KIAA0040: variants seen among roughly 807,000 people sequenced by gnomAD.
The protein encoded by KIAA0040 is uncharacterized protein KIAA0040.
Under a neutral mutation model 7.2 loss-of-function variants are expected in KIAA0040, and 10 were observed. The ratio of observed to expected loss-of-function variants is 1.38; its 90% CI spans 0.85 to 2.34. The LOEUF (loss-of-function observed/expected upper bound fraction) is 2.34, where lower values mean the gene tolerates loss of function less well. KIAA0040 is among the 30% of genes most tolerant of loss of function. KIAA0040 has a pLI of 0.00. For synonymous variants in KIAA0040, 49 were observed against 40.1 expected (o/e 1.22, Z -0.84); for missense variants, 89 against 108.2 (o/e 0.82, Z 0.79).
At chr1:175,176,293 G>T (rs1046070617) in intron 2 of KIAA0040, 2 of 152,262 alleles carry the variant, frequency 1.3e-5, no homozygotes, top group South Asian at 4.2e-4. Flanking sequence ...AAATTTCGGG[G>T]CAATTAAAAG....
intron 1 of KIAA0040, among the ~76,000 whole-genome samples, chr1:175,178,897 T>C (rs564782246): frequency 5.6e-5 from 8 of 143,432 alleles, no homozygotes; most frequent in African/African-American, 2.1e-4. Context: ...AACCAGAAAG[T>C]GACAAAATGC....
chr1:175,178,972 G>A (rs975268418), intron 1 of KIAA0040, among the ~76,000 whole-genome samples: 2 of 12,184 alleles, frequency 1.6e-4, no homozygotes, highest in East Asian at 2.1e-3. Flanking sequence ...GGACGGGGCG[G>A]GGGGGGGGAT....
chr1:175,189,297 C>T (rs150493454), intron 1 of KIAA0040, among the ~76,000 whole-genome samples: 3 of 152,286 alleles, frequency 2.0e-5, no homozygotes, highest in Non-Finnish European at 4.4e-5. Context: ...TGCTCAGATT[C>T]AGGGCCATTG....
rs562444958 is a variant in KIAA0040, at chr1:175,165,599, T to C, written c.-134+963A>G. On this transcript the variant is annotated intron_variant, in intron 3 of 3. Transcript: ENST00000423313. ...GTGGCTGTTGCTCTAGACTCTGGCA[T>C]CCAGAAATCAGATGGAGAGCGGTCG... 5.6e-4 allele frequency among the ~76,000 whole-genome samples: 85 copies of C among 152,318 alleles called. 1 individual carries two copies. Among genetic ancestry groups the C allele is most frequent in the Admixed American group, 1.6e-3 (25 of 15,302 alleles).
chr1:175,179,923 A>G (rs1197991831), intron 1 of KIAA0040, among the ~76,000 whole-genome samples: 1 of 152,214 alleles, frequency 6.6e-6, no homozygotes, highest in Admixed American at 6.5e-5. Context: ...AGTTACTCCT[A>G]AAATGCAACA....
intron 2 of KIAA0040, among the ~76,000 whole-genome samples, chr1:175,168,349 C>T (rs1218675039): frequency 6.6e-6 from 1 of 152,080 alleles, no homozygotes; most frequent in South Asian, 2.1e-4. Context: ...TAATGAATTG[C>T]TTCAAATAAC....
intron 3 of KIAA0040, among the ~76,000 whole-genome samples, chr1:175,165,048 C>T (rs193288673): frequency 1.3e-5 from 2 of 152,080 alleles, no homozygotes; most frequent in African/African-American, 4.8e-5. Flanking sequence ...TGGGGGTGGA[C>T]GAGAGGACAG....
chr1:175,176,669 C>CTTTTTTTTTTT lies in KIAA0040; in HGVS notation c.-310+931_-310+941dup, dbSNP rs34859478. Among the ~76,000 whole-genome samples, 181 of 27,464 alleles carry CTTTTTTTTTTT rather than the reference C, an allele frequency of 6.6e-3. 67 individuals are homozygous for CTTTTTTTTTTT. Among genetic ancestry groups the CTTTTTTTTTTT allele is most frequent in the East Asian group, 0.011 (6 of 568 alleles). The allele number at this position is 27,464 out of a possible 152,430, so 18.0% of individuals were successfully genotyped here. The stretch of plus-strand genomic sequence containing the variant: ...ATCCAGTGTCAGGTTAAGTAGCATG[C>CTTTTTTTTTTT]TTTTTTTTTTTTTTTTTTTTTTTTT... On this transcript the variant is annotated intron_variant, in intron 2 of 3. Coordinates refer to ENST00000423313, the MANE Select transcript of KIAA0040 (RefSeq NM_014656.3).
At position 175,166,601 on chromosome 1, in the gene KIAA0040, G is replaced by C. The variant is rs1288745152; in HGVS notation, c.-173C>G. On this transcript the variant is annotated 5_prime_UTR_variant, in exon 3 of 4. Coordinates refer to ENST00000423313, the MANE Select transcript of KIAA0040 (RefSeq NM_014656.3). The stretch of plus-strand genomic sequence containing the variant: ...GCAAAATGGCCAGCCAGCTTGGGGA[G>C]CCTCCTTCCACGTTACTTCTTGCTT... The C allele has an allele frequency of 6.6e-6, 1 of 152,240 alleles. No homozygotes were observed. 9.4% of individuals were successfully genotyped at this position (152,240 alleles called of 1,614,324 possible).
At chr1:175,168,231 T>C (rs988586981) in intron 2 of KIAA0040, among the ~76,000 whole-genome samples, 3 of 152,222 alleles carry the variant, frequency 2.0e-5, no homozygotes, top group Non-Finnish European at 1.5e-5. Flanking sequence ...TACTGTTTTG[T>C]ACAAAAATGG....
chr1:175,179,416 GC>G (rs1677348514), intron 1 of KIAA0040, among the ~76,000 whole-genome samples: 1 of 152,096 alleles, frequency 6.6e-6, no homozygotes, highest in Non-Finnish European at 1.5e-5. Flanking sequence ...CTGGTAATCT[GC>G]CCCAACCGGT....
intron 2 of KIAA0040, among the ~76,000 whole-genome samples, chr1:175,172,304 C>T (rs1677023603): frequency 6.6e-6 from 1 of 152,202 alleles, no homozygotes; most frequent in African/African-American, 2.4e-5. Context: ...CTCATATTTA[C>T]CTCCTCAAGG....
At chr1:175,183,330 G>A (rs887201299) in intron 1 of KIAA0040, among the ~76,000 whole-genome samples, 1 of 152,220 alleles carries the variant, frequency 6.6e-6, no homozygotes, top group Admixed American at 6.5e-5. Flanking sequence ...GTAATTGACT[G>A]GTTATGATCT....
intron 1 of KIAA0040, among the ~76,000 whole-genome samples, chr1:175,184,513 C>A (rs946683865): frequency 2.6e-5 from 4 of 152,194 alleles, no homozygotes; most frequent in Non-Finnish European, 1.5e-5. Context: ...CATCCCAGGG[C>A]ACAACTGTTT....
intron 2 of KIAA0040, among the ~76,000 whole-genome samples, chr1:175,169,762 T>C (rs1212432883): frequency 1.3e-5 from 2 of 152,182 alleles, no homozygotes; most frequent in African/African-American, 4.8e-5. Context: ...AGCTGAATCA[T>C]AAGGGTTTAG....
At chr1:175,179,424 C>T (rs1221606772) in intron 1 of KIAA0040, among the ~76,000 whole-genome samples, 6 of 152,098 alleles carry the variant, frequency 3.9e-5, no homozygotes, top group South Asian at 2.1e-4. Context: ...CTGCCCCAAC[C>T]GGTCAGGCAG....
At chr1:175,187,691 C>T (rs1212835224) in intron 1 of KIAA0040, among the ~76,000 whole-genome samples, 3 of 151,948 alleles carry the variant, frequency 2.0e-5, no homozygotes, top group Admixed American at 1.3e-4. Flanking sequence ...CATGGGTCTT[C>T]CCTGTTCCCA....
chr1:175,181,598 G>A (rs1677440503), intron 1 of KIAA0040, among the ~76,000 whole-genome samples: 1 of 152,184 alleles, frequency 6.6e-6, no homozygotes, highest in Admixed American at 6.5e-5. Flanking sequence ...ATAAAGTCAA[G>A]GAATTTACTT....
chr1:175,186,756 G>A (rs1267749909), intron 1 of KIAA0040, among the ~76,000 whole-genome samples: 2 of 152,248 alleles, frequency 1.3e-5, no homozygotes, highest in Non-Finnish European at 2.9e-5. Flanking sequence ...TCCTGTACTT[G>A]TGAAGGCTTT....
Sources: allele counts gnomAD v4.1 joint callset (sites outside exome capture counted in the v4.1 genomes callset), GRCh38; gene constraint gnomAD v4.1.1; transcripts MANE v1.5; gene names NCBI Gene and HGNC (gene_info 2026-07-23, HGNC 2026-07-21).